The following RPN2 variants were observed in gnomAD, a reference collection of about 807,000 sequenced individuals.
The protein encoded by RPN2 is dolichyl-diphosphooligosaccharide--protein glycosyltransferase subunit 2.
RPN2 carries 29 observed loss-of-function variants against 71.4 expected under a neutral mutation model. The ratio of observed to expected loss-of-function variants is 0.41; its 90% confidence interval spans 0.30 to 0.55. RPN2 has a LOEUF of 0.55. Among genes scored for constraint, RPN2 ranks in the 20% least tolerant of loss-of-function variants. The pLI is 0.35. For missense variants in RPN2, 726 were observed against 774.1 expected (o/e 0.94, Z 0.74); for synonymous variants, 308 against 305.0 (o/e 1.01, Z -0.10).
intron 15 of RPN2, among the ~76,000 whole-genome samples, chr20:37,236,329 C>G (rs894671498): frequency 5.3e-5 from 8 of 152,164 alleles, no homozygotes; most frequent in Non-Finnish European, 1.2e-4. Context: ...CTGAGCAATC[C>G]TCCTGCCTCA....
At chr20:37,206,511 A>G (rs763080353) in intron 6 of RPN2, among the ~76,000 whole-genome samples, 41 of 152,294 alleles carry the variant, frequency 2.7e-4, no homozygotes, top group Admixed American at 7.9e-4. Context: ...CTTTAGCCTC[A>G]GTTTCATTTT....
chr20:37,213,141 C>T (rs555198090), intron 8 of RPN2, among the ~76,000 whole-genome samples: 3 of 152,178 alleles, frequency 2.0e-5, no homozygotes, highest in Non-Finnish European at 4.4e-5. Context: ...GAGTATTTTC[C>T]TCTACATTTT....
intron 7 of RPN2, 100 bp downstream of exon 7, chr20:37,207,549 A>G (rs2146598229): frequency 9.0e-7 from 1 of 1,116,590 alleles, no homozygotes. Flanking sequence ...CAGCCCCTAC[A>G]AGGACATACC....
intron 4 of RPN2, among the ~76,000 whole-genome samples, chr20:37,202,486 C>T (rs1227963198): frequency 1.3e-5 from 2 of 152,140 alleles, no homozygotes; most frequent in Non-Finnish European, 2.9e-5. Flanking sequence ...CACAAGGGCC[C>T]AGTCATCTCT....
At chr20:37,210,528 CTTTTT>C (rs10566074) in intron 8 of RPN2, among the ~76,000 whole-genome samples, 6 of 118,910 alleles carry the variant, frequency 5.0e-5, no homozygotes, top group Non-Finnish European at 5.3e-5. Flanking sequence ...CTTTTGCTAA[CTTTTT>C]TTTTTTTTTT....
chr20:37,204,597 C>T (rs539211115), intron 5 of RPN2, among the ~76,000 whole-genome samples, 170 bp from the exon 6 acceptor site: 1 of 152,244 alleles, frequency 6.6e-6, no homozygotes, highest in Admixed American at 6.5e-5. Flanking sequence ...GTTTGATATA[C>T]TTTACTCTGC....
Position 37,213,858 on chromosome 20 carries a change from C to A in RPN2, c.1085C>A (p.Thr362Asn). Residue 362 changes from threonine (T) to asparagine (N), a missense_variant, in exon 9 of 17, where the codon ACC (threonine) becomes AAC (asparagine). Coordinates refer to ENST00000237530, the MANE Select transcript of RPN2 (RefSeq NM_002951.5). ...VEGDNRYIAN[T>N]VELRVKISTE... ...GGTGACAACCGGTATATTGCAAATA[C>A]CGTAGAGGTAGGTGTTTTTCTTTCC... 1.9e-6 allele frequency: 3 copies of A among 1,610,676 alleles called. No homozygotes were observed. The South Asian group carries it at 3.3e-5, about 18-fold the overall frequency.
chr20:37,197,817 C>T (rs540819914), intron 2 of RPN2, among the ~76,000 whole-genome samples: 13 of 152,148 alleles, frequency 8.5e-5, no homozygotes, highest in Admixed American at 1.3e-4. Flanking sequence ...AGGCTGGTCT[C>T]AACTCCTGAG....
chr20:37,225,633 G>T, intron 10 of RPN2, 55 bp from the exon 11 acceptor site: 3 of 1,175,960 alleles, frequency 2.6e-6, no homozygotes, highest in South Asian at 2.4e-5. Context: ...TTTTCTGCCT[G>T]TTCTCAGAGA....
intron 14 of RPN2, 87 bp from the exon 15 acceptor site, chr20:37,233,933 T>C: frequency 7.0e-7 from 1 of 1,427,986 alleles, no homozygotes; most frequent in Non-Finnish European, 9.8e-7. Context: ...GCCTTGGGGC[T>C]GTTGATGGGA....
rs1449783376 is a variant in RPN2, at chr20:37,213,849, T to C, written c.1076T>C (p.Ile359Thr). The C allele has an allele frequency of 6.2e-7, 1 of 1,613,108 alleles. No homozygotes were observed. The highest frequency in any genetic ancestry group is 8.5e-7 in the Non-Finnish European group (1 of 1,179,014). ...GAAGTTGAAGGTGACAACCGGTATATTGCAAATACCGTAGAGGTAGGTGTT... is the reference window on the plus strand; with the variant it reads ...GAAGTTGAAGGTGACAACCGGTATACTGCAAATACCGTAGAGGTAGGTGTT... ...LVEVEGDNRYIANTVELRVKI... is the reference protein window; with the variant it reads ...LVEVEGDNRYTANTVELRVKI... The change falls in exon 9 of 17, where the codon ATT (isoleucine) becomes ACT (threonine). Residue 359 changes from isoleucine (I) to threonine (T), a missense_variant. Coordinates refer to ENST00000237530, the MANE Select transcript of RPN2 (RefSeq NM_002951.5).
At chr20:37,204,560 A>G (rs2067467279) in intron 5 of RPN2, among the ~76,000 whole-genome samples, 1 of 152,224 alleles carries the variant, frequency 6.6e-6, no homozygotes, top group Admixed American at 6.5e-5. Flanking sequence ...CCAAAACTGC[A>G]GAAGATAGTG....
chr20:37,185,437 G>A (rs1424345415), intron 2 of RPN2, among the ~76,000 whole-genome samples: 1 of 151,932 alleles, frequency 6.6e-6, no homozygotes, highest in Non-Finnish European at 1.5e-5. Context: ...ACCTGACCAG[G>A]AACAGTCTTA....
intron 16 of RPN2, chr20:37,238,361 A>G: frequency 6.5e-7 from 1 of 1,533,026 alleles, no homozygotes; most frequent in Non-Finnish European, 9.0e-7. Context: ...TTCTCCCCTC[A>G]CTGTCCTTTC....
rs536140904 is a variant in RPN2, at chr20:37,189,589, A to G, written c.207+5216A>G. Among the ~76,000 whole-genome samples, 6 of 152,316 alleles carry G rather than the reference A, an allele frequency of 3.9e-5. No individual in the cohort carries two copies. The South Asian group carries it at 1.2e-3, about 32-fold the overall frequency. On this transcript the variant is annotated intron_variant, in intron 2 of 16. Coordinates refer to ENST00000237530, the MANE Select transcript of RPN2 (RefSeq NM_002951.5). ...TCCTGTGTGTGACTCTATTAAAGATACAGACGTTTCCTCATGATTACACTC... is the reference window on the plus strand; with the variant it reads ...TCCTGTGTGTGACTCTATTAAAGATGCAGACGTTTCCTCATGATTACACTC...
At chr20:37,236,912 A>G (rs917572823) in intron 16 of RPN2, among the ~76,000 whole-genome samples, 1 of 151,674 alleles carries the variant, frequency 6.6e-6, no homozygotes, top group Non-Finnish European at 1.5e-5. Flanking sequence ...TATTACAACC[A>G]TTGTAATTGA....
intron 1 of RPN2, chr20:37,179,599 T>C (rs1465477577): frequency 1.8e-6 from 2 of 1,141,212 alleles, no homozygotes; most frequent in East Asian, 3.0e-5. Flanking sequence ...AGCGCGGAGC[T>C]ACGGGTCGCC....
chr20:37,185,568 G>A (rs2066988816), intron 2 of RPN2, among the ~76,000 whole-genome samples: 1 of 152,080 alleles, frequency 6.6e-6, no homozygotes, highest in Admixed American at 6.5e-5. Flanking sequence ...TACCATAAAT[G>A]TAGGGGCTTA....
Position 37,207,462 on chromosome 20 carries a change from T to C in RPN2, c.867+13T>C, listed in dbSNP as rs1202697709. On this transcript the variant is annotated intron_variant, in intron 7 of 16. Coordinates refer to ENST00000237530, the MANE Select transcript of RPN2 (RefSeq NM_002951.5). ...GGCTATCTTGCGGGTAAGACATCCA[T>C]GCCCAAAGTGTGCCCCTCTGATTAT... is the stretch of plus-strand genomic sequence containing the variant. 2.5e-6 allele frequency: 4 copies of C among 1,613,352 alleles called. No homozygotes were observed. The highest frequency in any genetic ancestry group is 2.5e-6 in the Non-Finnish European group (3 of 1,179,296).
Sources: gnomAD v4.1 joint callset for allele counts (sites outside exome capture counted in the v4.1 genomes callset) on GRCh38, gnomAD v4.1.1 for gene constraint, MANE v1.5 for transcripts, NCBI Gene and HGNC (gene_info 2026-07-23, HGNC 2026-07-21) for gene names.